NIN: variants seen among roughly 807,000 people sequenced by gnomAD.
The protein encoded by NIN is glycogen synthase kinase 3 beta-interacting protein.
In NIN, 137 loss-of-function variants were observed where a neutral mutation model predicts 257.6. That is an observed-to-expected ratio of 0.53 (90% CI 0.46 to 0.61). NIN has a LOEUF of 0.61. Ranked by LOEUF, NIN falls within the 20% of genes least tolerant of loss-of-function variation. The pLI is 0.00. For synonymous variants in NIN, 918 were observed against 919.8 expected (o/e 1.00, Z 0.04); for missense variants, 2,439 against 2,501.2 (o/e 0.98, Z 0.53).
chr14:50,729,169 G>A (rs951230586), intron 29 of NIN, among the ~76,000 whole-genome samples: 1 of 152,062 alleles, frequency 6.6e-6, no homozygotes, highest in Non-Finnish European at 1.5e-5. Context: ...CTTAGAAGCT[G>A]AGAGCTCAAA....
chr14:50,780,106 G>A (rs1007232760), intron 5 of NIN, among the ~76,000 whole-genome samples: 1 of 152,238 alleles, frequency 6.6e-6, no homozygotes, highest in East Asian at 1.9e-4. Context: ...AGTACAGGTC[G>A]TCTTTTGACC....
intron 12 of NIN, 115 bp downstream of exon 12, chr14:50,770,273 A>C: frequency 9.2e-7 from 1 of 1,084,452 alleles, no homozygotes; most frequent in Non-Finnish European, 1.3e-6. Flanking sequence ...CAGCTGGGCA[A>C]ACTTGGAGGA....
Position 50,754,879 on chromosome 14 carries a change from A to G in NIN, c.4539-12T>C, listed in dbSNP as rs2041953771. 2.0e-6 allele frequency: 3 copies of G among 1,536,496 alleles called. No homozygotes were observed. Among genetic ancestry groups the G allele is most frequent in the Non-Finnish European group, 2.6e-6 (3 of 1,144,936 alleles). On this transcript the variant is annotated splice_polypyrimidine_tract_variant and intron_variant, in intron 18 of 30. Coordinates refer to ENST00000530997, the MANE Select transcript of NIN (RefSeq NM_020921.4). Reference sequence around the variant, plus strand: ...TTTCAGATTCATATCTGAAGCACAGAGATTGAAAAAAATTGTTACAAGGCA... The same window carrying G: ...TTTCAGATTCATATCTGAAGCACAGGGATTGAAAAAAATTGTTACAAGGCA...
rs2140296035 is a variant in NIN, at chr14:50,721,602, C to T, written c.*1861G>A. ...CTAATGCCATACAAGTAGTCAAACA[C>T]TTACTAGAAATGTCTGCACCACAGA... On this transcript the variant is annotated 3_prime_UTR_variant, in exon 31 of 31. Coordinates refer to ENST00000530997, the MANE Select transcript of NIN (RefSeq NM_020921.4). The T allele has an allele frequency of 4.6e-6, 1 of 217,732 alleles. No homozygotes were observed. The highest frequency in any genetic ancestry group is 2.2e-5 in the African/African-American group (1 of 44,606). The allele number at this position is 217,732 out of a possible 1,614,324, so 13.5% of individuals were successfully genotyped here. A position where few individuals can be genotyped will look rare whatever the true frequency, so the allele number is the denominator to read the frequency against.
intron 30 of NIN, 22 bp from the exon 31 acceptor site, chr14:50,723,694 T>A: frequency 6.2e-7 from 1 of 1,603,826 alleles, no homozygotes; most frequent in African/African-American, 1.3e-5. Context: ...ACCAGAAACA[T>A]CTTGACTCCA....
intron 4 of NIN, among the ~76,000 whole-genome samples, chr14:50,798,649 T>C (rs2043949253): frequency 6.6e-6 from 1 of 152,240 alleles, no homozygotes; most frequent in Admixed American, 6.5e-5. Flanking sequence ...GATACACTTT[T>C]TACCTAATTG....
chr14:50,806,823 A>AAAAAATT lies in NIN; in HGVS notation c.184-12_184-6dup, dbSNP rs1358274798. On this transcript the variant is annotated splice_polypyrimidine_tract_variant and splice_region_variant and intron_variant, in intron 3 of 30. Coordinates refer to ENST00000530997, the MANE Select transcript of NIN (RefSeq NM_020921.4). ...TTTAAATTGGTCAAAATGTACCTAA[A>AAAAAATT]AAAAATTAAAAATAGATTTAAAGTA... 3 of 1,363,772 alleles carry AAAAAATT rather than the reference A, an allele frequency of 2.2e-6. No individual in the cohort carries two copies. The highest frequency in any genetic ancestry group is 1.0e-6 in the Non-Finnish European group (1 of 962,104). The allele number at this position is 1,363,772 out of a possible 1,614,324, so 84.5% of individuals were successfully genotyped here.
In NIN at chr14:50,822,041, G is replaced by A; in HGVS notation, c.16C>T (p.Gln6Ter). 1 of 1,613,550 alleles carries A rather than the reference G, an allele frequency of 6.2e-7. No individual in the cohort carries two copies. Residue 6 changes from glutamine to a stop codon, truncating the protein, a stop_gained, in exon 3 of 31, where the codon CAG (glutamine) becomes TAG (stop). Transcript: ENST00000530997. LOFTEE classifies it high-confidence loss of function. MDEVE[Q>*]DQHEARLKEL... is the part of the protein sequence containing the mutation. ...TTGAGTCGGGCCTCATGCTGGTCCTGCTCCACCTCATCCATCCCATAGCCC... is the reference window on the plus strand; with the variant it reads ...TTGAGTCGGGCCTCATGCTGGTCCTACTCCACCTCATCCATCCCATAGCCC...
At chr14:50,775,861 G>T (rs1028221135) in intron 7 of NIN, among the ~76,000 whole-genome samples, 1 of 151,814 alleles carries the variant, frequency 6.6e-6, no homozygotes, top group African/African-American at 2.4e-5. Flanking sequence ...AGTCACCAAT[G>T]AAAAATAAAT....
Position 50,754,606 on chromosome 14 carries a change from T to C in NIN, c.4691A>G (p.Glu1564Gly). ...MWQKTETVKQ[E>G]NAAVQKMVEN... ...AACCATCTTCTGAACTGCAGCATTTTCTTGTTTTACAGTTTCCGTTTTTTG... is the reference window on the plus strand; with the variant it reads ...AACCATCTTCTGAACTGCAGCATTTCCTTGTTTTACAGTTTCCGTTTTTTG... Residue 1564 changes from glutamate to glycine, a missense_variant, in exon 20 of 31, where the codon GAA becomes GGA. Glu to Gly is a moderately conservative substitution (Grantham distance 98). Coordinates refer to ENST00000530997, the MANE Select transcript of NIN (RefSeq NM_020921.4). 6.2e-7 allele frequency: 1 copy of C among 1,611,342 alleles called. No homozygotes were observed. The highest frequency in any genetic ancestry group is 8.5e-7 in the Non-Finnish European group (1 of 1,178,928).
intron 5 of NIN, among the ~76,000 whole-genome samples, chr14:50,789,484 T>C (rs1426370035): frequency 6.6e-6 from 1 of 152,120 alleles, no homozygotes; most frequent in African/African-American, 2.4e-5. Context: ...AGGTGGAGAA[T>C]TGCTTGAACC....
At chr14:50,765,094 T>C (rs8017787) in intron 14 of NIN, among the ~76,000 whole-genome samples, 1 of 138,592 alleles carries the variant, frequency 7.2e-6, no homozygotes, top group African/African-American at 2.8e-5. Flanking sequence ...AAAAAAAAAT[T>C]AGGCGTTTGG....
chr14:50,802,838 T>C (rs2044156337), intron 4 of NIN, among the ~76,000 whole-genome samples: 1 of 152,228 alleles, frequency 6.6e-6, no homozygotes, highest in Non-Finnish European at 1.5e-5. Context: ...GGTGGCTCTA[T>C]TAAATCAAGC....
At chr14:50,811,899 C>G (rs1361084327) in intron 3 of NIN, among the ~76,000 whole-genome samples, 2 of 151,250 alleles carry the variant, frequency 1.3e-5, no homozygotes, top group Non-Finnish European at 2.9e-5. Flanking sequence ...GAGGCTGAAG[C>G]AGGAGAATGG....
chr14:50,757,049 T>A lies in NIN; in HGVS notation c.3981A>T (p.Arg1327Ser), dbSNP rs2042058085. 1 of 1,613,716 alleles carries A rather than the reference T, an allele frequency of 6.2e-7. No homozygotes were observed. ...GAAGCTTCTCAATCTTGCCTTGAAGTCTCAAAACCAGAACATTCAGCCCCT... is the reference window on the plus strand; with the variant it reads ...GAAGCTTCTCAATCTTGCCTTGAAGACTCAAAACCAGAACATTCAGCCCCT... ...ENEGLNVLVL[R>S]LQGKIEKLQE... The change falls in exon 18 of 31, where the codon AGA becomes AGT. Residue 1327 changes from arginine to serine, a missense_variant. This residue lies in a region of NIN where 2,043 missense variants were observed against 2,050.2 expected (regional missense o/e 1.00). Transcript: ENST00000530997.
At chr14:50,771,501 C>T (rs1269803670) in intron 9 of NIN, 33 bp from the exon 10 acceptor site, 1 of 1,610,074 alleles carries the variant, frequency 6.2e-7, no homozygotes, top group Non-Finnish European at 8.5e-7. Flanking sequence ...AATTCAAAAA[C>T]AAATCACTCA....
At chr14:50,817,331 T>C (rs1483219155) in intron 3 of NIN, among the ~76,000 whole-genome samples, 2 of 152,228 alleles carry the variant, frequency 1.3e-5, no homozygotes, top group African/African-American at 4.8e-5. Flanking sequence ...CCATTTTTCA[T>C]TTACACTTCA....
chr14:50,765,144 G>A (rs2042429198), intron 14 of NIN, among the ~76,000 whole-genome samples: 1 of 151,898 alleles, frequency 6.6e-6, no homozygotes, highest in South Asian at 2.1e-4. Flanking sequence ...GGCTGAGGCA[G>A]GAGAACTGCT....
chr14:50,727,097 A>T (rs933935777), intron 29 of NIN: 4 of 315,554 alleles, frequency 1.3e-5, no homozygotes, highest in Admixed American at 6.5e-5. Context: ...TTAAAAAAAA[A>T]TAATAGCTTT....
Sources: gnomAD v4.1 joint callset for allele counts (sites outside exome capture counted in the v4.1 genomes callset) on GRCh38, gnomAD v4.1.1 for gene constraint, gnomAD v4.1.1 regional missense constraint, MANE v1.5 for transcripts, NCBI Gene and HGNC (gene_info 2026-07-23, HGNC 2026-07-21) for gene names.